The following PLCL1 variants were observed in gnomAD, a reference collection of about 807,000 sequenced individuals.
The protein encoded by PLCL1 is phospholipase C like 1 (inactive).
PLCL1 carries 41 observed loss-of-function variants against 84.4 expected under a neutral mutation model. That is an observed-to-expected ratio of 0.49 (90% CI 0.38 to 0.63). The LOEUF (loss-of-function observed/expected upper bound fraction) is 0.63. Ranked by LOEUF, PLCL1 falls within the 30% of genes least tolerant of loss-of-function variation. PLCL1 has a pLI of 0.00. For missense variants in PLCL1, 1,206 were observed against 1,367.8 expected, an observed-to-expected ratio of 0.88 and a Z score of 1.87; for synonymous variants, 490 against 488.3, an observed-to-expected ratio of 1.00 and a Z score of -0.05.
At chr2:198,145,251 C>G (rs1268695333) in intron 5 of PLCL1, among the ~76,000 whole-genome samples, 1 of 152,004 alleles carries the variant, frequency 6.6e-6, no homozygotes, top group Non-Finnish European at 1.5e-5. Context: ...TTCGTGATGT[C>G]TATAGTGTTA....
intron 1 of PLCL1, among the ~76,000 whole-genome samples, chr2:198,075,416 C>T (rs181323210): frequency 2.9e-4 from 44 of 152,234 alleles, no homozygotes; most frequent in Non-Finnish European, 4.9e-4. Context: ...TTCAAATTGA[C>T]GCAGCTAAAG....
chr2:198,117,269 C>T, intron 5 of PLCL1, among the ~76,000 whole-genome samples: 1 of 150,970 alleles, frequency 6.6e-6, no homozygotes, highest in Admixed American at 6.6e-5. Flanking sequence ...ACTTGGGTTT[C>T]AGCAACAAAT....
At chr2:197,919,352 A>G (rs1688662653) in intron 1 of PLCL1, among the ~76,000 whole-genome samples, 1 of 152,252 alleles carries the variant, frequency 6.6e-6, no homozygotes, top group Non-Finnish European at 1.5e-5. Context: ...GACAATGTAT[A>G]GTTTTGTACT....
chr2:197,877,081 A>C (rs1211457837), intron 1 of PLCL1, among the ~76,000 whole-genome samples: 1 of 152,160 alleles, frequency 6.6e-6, no homozygotes, highest in Non-Finnish European at 1.5e-5. Flanking sequence ...ACCAAATTTC[A>C]GCAAAGAAAT....
intron 1 of PLCL1, among the ~76,000 whole-genome samples, chr2:197,927,007 C>CAT (rs1688844733): frequency 6.6e-6 from 1 of 152,156 alleles, no homozygotes; most frequent in South Asian, 2.1e-4. Flanking sequence ...GTTGCTTCTT[C>CAT]ATATGGTTTG....
rs557941784 is a variant in PLCL1 at position 198,052,464 on chromosome 2, G to A, written c.241-31294G>A. On this transcript the variant is annotated intron_variant, in intron 1 of 5. Transcript: ENST00000428675. ...AAATGGGACTCTTTGGTGGTCTCTG[G>A]CAGTGTGCAGACTTTGGTGGTATGA... Among the ~76,000 whole-genome samples, 385 of 151,924 alleles carry A rather than the reference G, an allele frequency of 2.5e-3. 1 individual carries two copies. The highest frequency in any genetic ancestry group is 8.9e-3 in the African/African-American group (370 of 41,418).
intron 2 of PLCL1, among the ~76,000 whole-genome samples, chr2:198,087,250 A>C (rs772781603): frequency 3.2e-4 from 48 of 152,188 alleles, no homozygotes; most frequent in Non-Finnish European, 6.0e-4. Flanking sequence ...AATTATTATT[A>C]GAGTAAAATT....
chr2:197,949,630 G>A (rs896910115), intron 1 of PLCL1, among the ~76,000 whole-genome samples: 9 of 152,240 alleles, frequency 5.9e-5, no homozygotes, highest in African/African-American at 2.2e-4. Context: ...ACATAACAAG[G>A]GGAATTCATT....
At chr2:198,066,364 T>C (rs1237418004) in intron 1 of PLCL1, among the ~76,000 whole-genome samples, 3 of 152,164 alleles carry the variant, frequency 2.0e-5, no homozygotes, top group African/African-American at 7.2e-5. Context: ...ACTTCTCTGT[T>C]TCTACAAGCA....
At chr2:197,881,320 T>C (rs1190346748) in intron 1 of PLCL1, among the ~76,000 whole-genome samples, 1 of 152,218 alleles carries the variant, frequency 6.6e-6, no homozygotes, top group African/African-American at 2.4e-5. Flanking sequence ...CCTGCTTCAC[T>C]AATCAGATTT....
At chr2:197,865,522 G>A (rs1048751449) in intron 1 of PLCL1, among the ~76,000 whole-genome samples, 3 of 152,058 alleles carry the variant, frequency 2.0e-5, no homozygotes, top group African/African-American at 4.8e-5. Flanking sequence ...GAAAACTACC[G>A]ATATGGCCGT....
intron 1 of PLCL1, among the ~76,000 whole-genome samples, chr2:197,860,700 C>T (rs1219179491): frequency 4.6e-5 from 7 of 152,014 alleles, no homozygotes. Context: ...TGTTCATGTC[C>T]TTTGCTACAT....
chr2:197,904,995 T>A lies in PLCL1; in HGVS notation c.240+99656T>A, dbSNP rs140647581. Among the ~76,000 whole-genome samples the A allele has an allele frequency of 8.4e-4, 128 of 152,348 alleles. 1 individual carries two copies. Among genetic ancestry groups the A allele is most frequent in the Non-Finnish European group, 1.4e-3 (92 of 68,024 alleles). On this transcript the variant is annotated intron_variant, in intron 1 of 5. Coordinates refer to ENST00000428675, the MANE Select transcript of PLCL1 (RefSeq NM_006226.4). ...CAAAACTTTTTTAGCATCTAATTTTTCAGGGCATGCCATAGGTGACTCTGA... is the reference window on the plus strand; with the variant it reads ...CAAAACTTTTTTAGCATCTAATTTTACAGGGCATGCCATAGGTGACTCTGA...
chr2:197,847,249 T>A (rs1011324855), intron 1 of PLCL1, among the ~76,000 whole-genome samples: 1 of 152,170 alleles, frequency 6.6e-6, no homozygotes, highest in Non-Finnish European at 1.5e-5. Flanking sequence ...AGCTTATTTT[T>A]AATGTTTGTT....
intron 1 of PLCL1, among the ~76,000 whole-genome samples, chr2:197,840,014 T>C (rs1048683282): frequency 6.6e-6 from 1 of 152,230 alleles, no homozygotes; most frequent in African/African-American, 2.4e-5. Flanking sequence ...GTTTAAAACC[T>C]GGCAGTGGAA....
At chr2:197,808,770 G>A (rs1690529827) in intron 1 of PLCL1, among the ~76,000 whole-genome samples, 1 of 152,202 alleles carries the variant, frequency 6.6e-6, no homozygotes, top group Non-Finnish European at 1.5e-5. Flanking sequence ...TGGAAACTGA[G>A]CTACATGTGT....
chr2:197,998,596 C>T (rs1388809689), intron 1 of PLCL1, among the ~76,000 whole-genome samples: 1 of 152,208 alleles, frequency 6.6e-6, no homozygotes, highest in Non-Finnish European at 1.5e-5. Flanking sequence ...GAAATTAGGA[C>T]TGATGACGCT....
intron 1 of PLCL1, among the ~76,000 whole-genome samples, chr2:197,934,150 TATCTC>T (rs1446799182): frequency 4.6e-5 from 7 of 152,344 alleles, no homozygotes; most frequent in African/African-American, 1.7e-4. Flanking sequence ...GTTTCTTTCT[TATCTC>T]AGTAAAAACA....
At chr2:197,809,698 T>C (rs142049244) in intron 1 of PLCL1, among the ~76,000 whole-genome samples, 146 of 152,188 alleles carry the variant, frequency 9.6e-4, no homozygotes, top group African/African-American at 3.3e-3. Context: ...TTGTGAAGCA[T>C]TGTATTCTCT....
Sources: gnomAD v4.1 joint callset for allele counts (sites outside exome capture counted in the v4.1 genomes callset) on GRCh38, gnomAD v4.1.1 for gene constraint, MANE v1.5 for transcripts, NCBI Gene and HGNC (gene_info 2026-07-23, HGNC 2026-07-21) for gene names.